The following BOLL variants were observed in gnomAD, a reference collection of about 807,000 sequenced individuals.
BOLL encodes the protein protein boule-like.
In BOLL, 23 loss-of-function variants were observed where a neutral mutation model predicts 44.4. That is an observed-to-expected ratio of 0.52 (90% CI 0.37 to 0.73). The LOEUF is 0.73. Among genes scored for constraint, BOLL ranks in the 30% least tolerant of loss-of-function variants. BOLL has a pLI of 0.00. For synonymous variants in BOLL, 97 were observed against 110.8 expected (o/e 0.88, Z 0.78); for missense variants, 287 against 338.3 (o/e 0.85, Z 1.19).
rs1301546035 is a variant in BOLL at position 197,763,426 on chromosome 2, G to A, written c.552+3106C>T. Among the ~76,000 whole-genome samples, 4 of 146,488 alleles carry A rather than the reference G, an allele frequency of 2.7e-5. 1 individual carries two copies. In the South Asian group the frequency reaches 6.4e-4, roughly 23 times the overall value. Reference sequence around the variant, plus strand: ...GAACCTGGGAGGCGGAGCTTGCAGCGAGCAGAGATTGCACCACTGCACACT... The same window carrying A: ...GAACCTGGGAGGCGGAGCTTGCAGCAAGCAGAGATTGCACCACTGCACACT... On this transcript the variant is annotated intron_variant, in intron 7 of 10. Transcript: ENST00000392296.
chr2:197,786,044 A>G, upstream of BOLL: 1 of 1,604,900 alleles, frequency 6.2e-7, no homozygotes, highest in Non-Finnish European at 8.5e-7. This position sits in a 1 kb window ranked among gnomAD's most constrained non-coding sequence, Gnocchi z 5.9. Context: ...AGGGAAAAGA[A>G]GCCTAAAGTT....
intron 7 of BOLL, among the ~76,000 whole-genome samples, chr2:197,757,603 G>A (rs536350840): frequency 6.6e-6 from 1 of 152,114 alleles, no homozygotes; most frequent in East Asian, 1.9e-4. Flanking sequence ...AAAAACATAG[G>A]TGTAAATGCC....
upstream of BOLL, chr2:197,785,338 G>T: frequency 1.0e-6 from 1 of 985,882 alleles, no homozygotes; most frequent in Non-Finnish European, 1.2e-6. The surrounding 1 kb of genome is among the most constrained non-coding windows in gnomAD (Gnocchi z 6.7). Context: ...CCCTCGCGCG[G>T]CGCTCCCTGA....
intron 10 of BOLL, among the ~76,000 whole-genome samples, chr2:197,732,025 G>GT (rs1462614686): frequency 7.3e-5 from 11 of 149,700 alleles, no homozygotes; most frequent in African/African-American, 2.5e-4. Context: ...CCAGGAGCTG[G>GT]TTTTTTGAAA....
chr2:197,778,805 T>TACACACACACACACACAC (rs71964015), intron 3 of BOLL, among the ~76,000 whole-genome samples, 170 bp downstream of exon 3: 40 of 143,554 alleles, frequency 2.8e-4, no homozygotes, highest in African/African-American at 9.1e-4. Context: ...CCCTCCAAAA[T>TACACACACACACACACAC]ACACACACAC....
At chr2:197,761,198 T>A (rs1251455650) in intron 7 of BOLL, among the ~76,000 whole-genome samples, 2 of 152,116 alleles carry the variant, frequency 1.3e-5, no homozygotes, top group African/African-American at 4.8e-5. Context: ...TAGTCTCAGC[T>A]GTGTGGCAGG....
intron 10 of BOLL, among the ~76,000 whole-genome samples, chr2:197,733,130 A>G (rs1687288740): frequency 2.2e-5 from 3 of 136,642 alleles, no homozygotes; most frequent in Middle Eastern, 3.4e-3. Context: ...ATACAAAATC[A>G]ATGTACAAAA....
chr2:197,774,379 A>T (rs1406206357), intron 5 of BOLL: 1 of 152,258 alleles, frequency 6.6e-6, no homozygotes, highest in Non-Finnish European at 1.5e-5. Context: ...CTTTAGGAGT[A>T]TTTCAGCAGA....
rs1311826563 is a variant in BOLL, at chr2:197,778,981, G to T, written c.215C>A (p.Ser72Tyr). ...AATCTATAGTGATACTAACCCTTTG[G>T]ATACTCCAGCTCTGTCATTTACAAT... Reference protein sequence around the residue: ...VKIVNDRAGVSKGYGFVTFET... With the variant: ...VKIVNDRAGVYKGYGFVTFET... Residue 72 changes from serine to tyrosine, a missense_variant, in exon 3 of 11, where the codon TCC becomes TAC. Ser to Tyr is a moderately radical substitution (Grantham distance 144, BLOSUM62 -2). Coordinates refer to ENST00000392296, the MANE Select transcript of BOLL (RefSeq NM_033030.6). 6.2e-7 allele frequency: 1 copy of T among 1,608,418 alleles called. No individual in the cohort carries two copies.
rs1275713977 is a variant in BOLL, at chr2:197,734,050, T to C, written c.829-5472A>G. On this transcript the variant is annotated intron_variant, in intron 10 of 10. Transcript: ENST00000392296. Reference sequence around the variant, plus strand: ...AACCTACAAAATGGGAGAAAATTTTTGCAACCTACTCATCTGACAAAGGGC... The same window carrying C: ...AACCTACAAAATGGGAGAAAATTTTCGCAACCTACTCATCTGACAAAGGGC... 2.6e-4 allele frequency among the ~76,000 whole-genome samples: 39 copies of C among 151,390 alleles called. 1 individual carries two copies. In the South Asian group the frequency reaches 2.9e-3, roughly 11 times the overall value.
At chr2:197,774,242 T>G (rs376780337) in intron 5 of BOLL, 2 of 193,798 alleles carry the variant, frequency 1.0e-5, no homozygotes, top group East Asian at 1.8e-4. Context: ...AATATGATAT[T>G]ATGGAACAGA....
chr2:197,753,654 G>A (rs1688368767), intron 9 of BOLL, among the ~76,000 whole-genome samples: 1 of 152,226 alleles, frequency 6.6e-6, no homozygotes, highest in African/African-American at 2.4e-5. Flanking sequence ...TGGAGAGGAT[G>A]TGGAGAAATA....
intron 3 of BOLL, 143 bp downstream of exon 3, chr2:197,778,832 A>ACACACAC: frequency 1.6e-6 from 1 of 614,026 alleles, no homozygotes. Context: ...ACACACACAC[A>ACACACAC]AGGAAATCAA....
At chr2:197,734,448 C>G (rs1453346289) in intron 10 of BOLL, among the ~76,000 whole-genome samples, 1 of 152,148 alleles carries the variant, frequency 6.6e-6, no homozygotes, top group Non-Finnish European at 1.5e-5. Flanking sequence ...TTTGACCCAG[C>G]CATCCCATTA....
chr2:197,759,932 C>T (rs776288443), intron 7 of BOLL, among the ~76,000 whole-genome samples: 14 of 152,108 alleles, frequency 9.2e-5, no homozygotes, highest in South Asian at 2.1e-4. Context: ...GAAACAGCTC[C>T]GGGGACTGCC....
At chr2:197,761,956 G>A (rs2106359488) in intron 7 of BOLL, among the ~76,000 whole-genome samples, 1 of 152,228 alleles carries the variant, frequency 6.6e-6, no homozygotes. Context: ...TATAAAGCAA[G>A]TCTTATTTGA....
At chr2:197,745,932 A>G (rs1313487100) in intron 9 of BOLL, among the ~76,000 whole-genome samples, 1 of 152,206 alleles carries the variant, frequency 6.6e-6, no homozygotes, top group Non-Finnish European at 1.5e-5. Flanking sequence ...CATAATTAGG[A>G]TAATAATTAA....
intron 10 of BOLL, among the ~76,000 whole-genome samples, chr2:197,740,598 G>A (rs1354441074): frequency 6.6e-6 from 1 of 152,122 alleles, no homozygotes; most frequent in East Asian, 1.9e-4. Context: ...ATCATTAATT[G>A]TTTTCACCTC....
chr2:197,742,870 TACC>T (rs914680063), intron 10 of BOLL, among the ~76,000 whole-genome samples, 188 bp downstream of exon 10: 1 of 152,082 alleles, frequency 6.6e-6, no homozygotes, highest in Non-Finnish European at 1.5e-5. Context: ...TTGCATATAT[TACC>T]ACAATAAATA....
Sources: gnomAD v4.1 joint callset for allele counts (sites outside exome capture counted in the v4.1 genomes callset) on GRCh38, gnomAD v4.1.1 for gene constraint, Gnocchi (gnomAD v3.1) non-coding constraint, MANE v1.5 for transcripts, NCBI Gene and HGNC (gene_info 2026-07-23, HGNC 2026-07-21) for gene names.